The following VTI1A variants were observed in gnomAD, a reference collection of about 807,000 sequenced individuals.
VTI1A encodes vesicle transport through interaction with t-SNAREs homolog 1A.
Under a neutral mutation model 34.9 loss-of-function variants are expected in VTI1A, and 22 were observed. The ratio of observed to expected loss-of-function variants is 0.63; its 90% CI spans 0.45 to 0.90. The LOEUF (loss-of-function observed/expected upper bound fraction) is 0.90, where lower values mean the gene tolerates loss of function less well. Ranked by LOEUF, VTI1A falls within the 40% of genes least tolerant of loss-of-function variation. VTI1A has a pLI of 0.00. For missense variants in VTI1A, 268 were observed against 275.6 expected (o/e 0.97, Z 0.20); for synonymous variants, 87 against 97.3 (o/e 0.89, Z 0.62).
Position 112,481,250 on chromosome 10 carries a change from G to A in VTI1A, c.264+16593G>A, listed in dbSNP as rs555235973. 4.6e-5 allele frequency among the ~76,000 whole-genome samples: 7 copies of A among 152,262 alleles called. No homozygotes were observed. In the East Asian group the frequency reaches 1.2e-3, roughly 25 times the overall value. The stretch of plus-strand genomic sequence containing the variant: ...TATTCTGTATCAAACTATTTTAAAA[G>A]TTAATTTCCTTTCAGTGTAAAGTTA... On this transcript the variant is annotated intron_variant, in intron 3 of 7. Transcript: ENST00000393077.
At chr10:112,527,855 A>G (rs1850291048) in intron 4 of VTI1A, among the ~76,000 whole-genome samples, 1 of 152,086 alleles carries the variant, frequency 6.6e-6, no homozygotes, top group Non-Finnish European at 1.5e-5. Context: ...CCGTAGTGTC[A>G]TGAGTCTAAT....
the VTI1A span, among the ~76,000 whole-genome samples, chr10:112,849,750 C>T: frequency 6.6e-6 from 1 of 152,214 alleles, no homozygotes; most frequent in Non-Finnish European, 1.5e-5. Context: ...CAACTTTTCC[C>T]ATCTGCTGCT....
chr10:112,678,149 A>G (rs1302834464), intron 7 of VTI1A, among the ~76,000 whole-genome samples: 1 of 152,234 alleles, frequency 6.6e-6, no homozygotes, highest in African/African-American at 2.4e-5. Flanking sequence ...CACAATGGAA[A>G]CACATCTTAT....
chr10:112,749,900 G>A (rs1459728176), intron 7 of VTI1A, among the ~76,000 whole-genome samples: 1 of 152,122 alleles, frequency 6.6e-6, no homozygotes, highest in East Asian at 1.9e-4. Flanking sequence ...ATACTATATA[G>A]CTGTTAAGTG....
At chr10:112,626,389 A>G (rs1203195605) in intron 5 of VTI1A, among the ~76,000 whole-genome samples, 1 of 125,214 alleles carries the variant, frequency 8.0e-6, no homozygotes, top group Non-Finnish European at 1.6e-5. Flanking sequence ...TTTTCTGTTT[A>G]TTAGGCAAAT....
At chr10:112,672,099 A>C (rs1015743687) in intron 7 of VTI1A, among the ~76,000 whole-genome samples, 3 of 152,178 alleles carry the variant, frequency 2.0e-5, no homozygotes, top group African/African-American at 7.2e-5. Flanking sequence ...GCTGGTCATT[A>C]AAAGGGACAC....
intron 7 of VTI1A, among the ~76,000 whole-genome samples, chr10:112,689,425 G>C (rs544222922): frequency 1.3e-5 from 2 of 152,324 alleles, no homozygotes; most frequent in South Asian, 2.1e-4. Context: ...GTCAGGAGGA[G>C]GGCCTGAGGG....
chr10:112,720,162 G>C lies in VTI1A; in HGVS notation c.560+51164G>C, dbSNP rs147902491. Among the ~76,000 whole-genome samples, 797 of 152,314 alleles carry C rather than the reference G, an allele frequency of 5.2e-3. 7 individuals are homozygous for C. The highest frequency in any genetic ancestry group is 0.018 in the African/African-American group (767 of 41,568). ...CTTTTTGAATATTATGAACAATGCTGTCATGGACATTTATGTACAAGTTTT... is the reference window on the plus strand; with the variant it reads ...CTTTTTGAATATTATGAACAATGCTCTCATGGACATTTATGTACAAGTTTT... On this transcript the variant is annotated intron_variant, in intron 7 of 7. Transcript: ENST00000393077.
intron 7 of VTI1A, among the ~76,000 whole-genome samples, chr10:112,755,479 T>C (rs1458405065): frequency 6.6e-6 from 1 of 152,148 alleles, no homozygotes; most frequent in African/African-American, 2.4e-5. Context: ...GAGTGCTTGG[T>C]ATCCAGGTCC....
At chr10:112,668,194 T>A (rs1323808612) in intron 5 of VTI1A, 24 bp from the exon 6 acceptor site, 26 of 1,608,342 alleles carry the variant, frequency 1.6e-5, no homozygotes, top group Non-Finnish European at 2.2e-5. Flanking sequence ...TCATTTTTCC[T>A]CACTCAAATT....
intron 5 of VTI1A, among the ~76,000 whole-genome samples, chr10:112,540,022 A>G (rs556880417): frequency 6.6e-6 from 1 of 152,260 alleles, no homozygotes; most frequent in South Asian, 2.1e-4. Context: ...CAAAACATCC[A>G]TTGGTCAGCC....
chr10:112,467,777 C>T (rs1847946145), intron 3 of VTI1A, among the ~76,000 whole-genome samples: 1 of 152,192 alleles, frequency 6.6e-6, no homozygotes, highest in Admixed American at 6.5e-5. Context: ...GGATTACTAT[C>T]CTCATTTACA....
intron 3 of VTI1A, among the ~76,000 whole-genome samples, chr10:112,475,819 T>C (rs1848257503): frequency 6.6e-6 from 1 of 152,214 alleles, no homozygotes; most frequent in South Asian, 2.1e-4. Context: ...ACTGTTTGTT[T>C]GCAGAGTGCC....
chr10:112,699,274 G>T (rs1848906380), intron 7 of VTI1A, among the ~76,000 whole-genome samples: 1 of 152,164 alleles, frequency 6.6e-6, no homozygotes, highest in Non-Finnish European at 1.5e-5. Context: ...CAGACGGTGT[G>T]GCTTAAGCAA....
rs560859861 is a variant in VTI1A, at chr10:112,488,594, G to A, written c.264+23937G>A. Among the ~76,000 whole-genome samples the A allele has an allele frequency of 9.8e-5, 15 of 152,286 alleles. No individual in the cohort carries two copies. In the East Asian group the frequency reaches 2.1e-3, roughly 22 times the overall value. ...TATATTATTTGATTCTGTATTCAGCGTTACTTCCAGTGTACCACTTTGTCT... is the reference window on the plus strand; with the variant it reads ...TATATTATTTGATTCTGTATTCAGCATTACTTCCAGTGTACCACTTTGTCT... On this transcript the variant is annotated intron_variant, in intron 3 of 7. Transcript: ENST00000393077.
chr10:112,669,206 C>T (rs1213607155), intron 7 of VTI1A, among the ~76,000 whole-genome samples: 1 of 152,122 alleles, frequency 6.6e-6, no homozygotes, highest in Non-Finnish European at 1.5e-5. Context: ...AAGGCTTGAG[C>T]TAGGGGGGTA....
At chr10:112,535,799 T>C (rs2134246816) in intron 4 of VTI1A, among the ~76,000 whole-genome samples, 1 of 152,344 alleles carries the variant, frequency 6.6e-6, no homozygotes, top group Admixed American at 6.5e-5. Flanking sequence ...TCCTTTCATT[T>C]ACAGAGACCA....
chr10:112,654,564 C>G (rs1590031233), intron 5 of VTI1A, among the ~76,000 whole-genome samples: 2 of 152,276 alleles, frequency 1.3e-5, no homozygotes, highest in East Asian at 3.9e-4. Context: ...ACAGTCTCGA[C>G]TCACTGCAAG....
intron 7 of VTI1A, among the ~76,000 whole-genome samples, chr10:112,723,231 G>C (rs1191216931): frequency 1.3e-5 from 2 of 152,124 alleles, no homozygotes; most frequent in Admixed American, 6.5e-5. Flanking sequence ...GGTAGCAGTG[G>C]TGTCCTGCTA....
Sources: allele counts gnomAD v4.1 joint callset (sites outside exome capture counted in the v4.1 genomes callset), GRCh38; gene constraint gnomAD v4.1.1; transcripts MANE v1.5; gene names NCBI Gene and HGNC (gene_info 2026-07-23, HGNC 2026-07-21).